ATG10: variants seen among roughly 807,000 people sequenced by gnomAD.
The protein encoded by ATG10 is ubiquitin-like-conjugating enzyme ATG10.
Under a neutral mutation model 32.1 loss-of-function variants are expected in ATG10, and 30 were observed. The ratio of observed to expected loss-of-function variants is 0.94; its 90% CI spans 0.70 to 1.27. The LOEUF (loss-of-function observed/expected upper bound fraction) is 1.27. Ranked by LOEUF, ATG10 falls within the 50% of genes most tolerant of loss-of-function variation. The pLI is 0.00. For missense variants in ATG10, 233 were observed against 262.3 expected (o/e 0.89, Z 0.77); for synonymous variants, 87 against 91.5 (o/e 0.95, Z 0.28).
intron 1 of ATG10, among the ~76,000 whole-genome samples, chr5:81,982,297 C>G (rs1761071292): frequency 6.6e-6 from 1 of 152,142 alleles, no homozygotes; most frequent in Non-Finnish European, 1.5e-5. Flanking sequence ...GAAACCCCAT[C>G]TCTACTAAAA....
rs567880977 is a variant in ATG10 at position 81,982,980 on chromosome 5, C to G, written c.-12-4579C>G. ...TTCTACACAGACACGGCAACCATCC[C>G]ATTTCTCAGTCTTTTCCCCACCTTT... On this transcript the variant is annotated intron_variant, in intron 1 of 7. Transcript: ENST00000282185. 1.2e-3 allele frequency among the ~76,000 whole-genome samples: 177 copies of G among 152,346 alleles called. 2 individuals carry two copies. Among genetic ancestry groups the G allele is most frequent in the Admixed American group, 2.3e-3 (35 of 15,306 alleles).
intron 2 of ATG10, among the ~76,000 whole-genome samples, chr5:82,040,822 T>C (rs1392008753): frequency 6.6e-6 from 1 of 152,190 alleles, no homozygotes; most frequent in African/African-American, 2.4e-5. Flanking sequence ...TATAAACCCC[T>C]TGTCATGGCC....
At chr5:82,139,527 G>A (rs1284639522) in intron 3 of ATG10, among the ~76,000 whole-genome samples, 4 of 144,428 alleles carry the variant, frequency 2.8e-5, no homozygotes, top group Non-Finnish European at 4.6e-5. Context: ...GCCTCTGCCC[G>A]GCCGAGACCC....
chr5:82,139,041 G>A (rs1377800563), intron 3 of ATG10, among the ~76,000 whole-genome samples: 2 of 150,148 alleles, frequency 1.3e-5, no homozygotes, highest in East Asian at 4.0e-4. Context: ...ACGGGGTTTC[G>A]CTGTGTTGGC....
intron 2 of ATG10, chr5:81,992,294 C>T (rs1479777856): frequency 6.6e-6 from 1 of 151,458 alleles, no homozygotes; most frequent in Non-Finnish European, 1.5e-5. Context: ...CTGACCAAGG[C>T]TCCTTTAGAG....
At chr5:82,142,847 G>A (rs897912732) in intron 3 of ATG10, among the ~76,000 whole-genome samples, 18 of 152,282 alleles carry the variant, frequency 1.2e-4, no homozygotes, top group African/African-American at 4.3e-4. Context: ...TAAATATGGA[G>A]TAGAAGGGGA....
chr5:82,229,907 G>A (rs758606364), intron 5 of ATG10, among the ~76,000 whole-genome samples: 9 of 152,288 alleles, frequency 5.9e-5, no homozygotes, highest in Non-Finnish European at 1.3e-4. Flanking sequence ...GGAAACTCAC[G>A]TCATATAATG....
intron 3 of ATG10, among the ~76,000 whole-genome samples, chr5:82,086,966 A>G (rs1224832646): frequency 3.3e-5 from 5 of 152,156 alleles, no homozygotes. Context: ...TAGAGTCTAG[A>G]TCGTATTTTG....
intron 5 of ATG10, among the ~76,000 whole-genome samples, chr5:82,211,897 T>C (rs946320299): frequency 1.3e-5 from 2 of 151,334 alleles, no homozygotes; most frequent in African/African-American, 2.4e-5. Flanking sequence ...CAATAATCAT[T>C]CTCTTTCAAA....
At chr5:82,068,097 T>C (rs1358714675) in intron 3 of ATG10, among the ~76,000 whole-genome samples, 1 of 152,120 alleles carries the variant, frequency 6.6e-6, no homozygotes, top group East Asian at 1.9e-4. Flanking sequence ...ATTTTCCCCA[T>C]TTCTTTTAAT....
At chr5:82,162,867 G>A (rs1208267628) in intron 3 of ATG10, among the ~76,000 whole-genome samples, 2 of 151,906 alleles carry the variant, frequency 1.3e-5, no homozygotes, top group Admixed American at 1.3e-4. Flanking sequence ...GTGTGTCTAT[G>A]TGTGTATATG....
chr5:82,197,738 C>CTATT (rs1744921078), intron 5 of ATG10, among the ~76,000 whole-genome samples: 1 of 147,852 alleles, frequency 6.8e-6, no homozygotes, highest in Admixed American at 6.7e-5. Flanking sequence ...ATCTATCTAT[C>CTATT]TATCTATCTA....
chr5:82,196,424 C>T (rs908948081), intron 5 of ATG10, among the ~76,000 whole-genome samples: 3 of 151,998 alleles, frequency 2.0e-5, no homozygotes, highest in Admixed American at 6.6e-5. Context: ...AGATTTATTT[C>T]GCCTTAGGTA....
intron 2 of ATG10, chr5:82,010,192 C>T (rs1762091834): frequency 1.0e-6 from 1 of 964,004 alleles, no homozygotes; most frequent in Admixed American, 2.3e-5. Flanking sequence ...CAAGTACAGA[C>T]AAAATTCTGA....
chr5:82,215,022 C>A (rs1481258311), intron 5 of ATG10, among the ~76,000 whole-genome samples: 2 of 152,166 alleles, frequency 1.3e-5, no homozygotes, highest in African/African-American at 4.8e-5. Flanking sequence ...AACAAATTAC[C>A]TAAACTTAAA....
chr5:82,055,139 A>G (rs1047597109), intron 2 of ATG10, among the ~76,000 whole-genome samples: 8 of 152,136 alleles, frequency 5.3e-5, no homozygotes, highest in Non-Finnish European at 1.2e-4. Flanking sequence ...AAAACAAAGT[A>G]GAAGAAACAT....
chr5:82,041,901 T>C (rs1305671931), intron 2 of ATG10, among the ~76,000 whole-genome samples: 1 of 152,204 alleles, frequency 6.6e-6, no homozygotes, highest in Non-Finnish European at 1.5e-5. Flanking sequence ...ATATCCAGTA[T>C]ATTTTTCAGT....
At chr5:82,132,670 T>A (rs138362415) in intron 3 of ATG10, among the ~76,000 whole-genome samples, 1 of 152,014 alleles carries the variant, frequency 6.6e-6, no homozygotes, top group Non-Finnish European at 1.5e-5. Flanking sequence ...GGCATTTGGG[T>A]TGGTTCCAAG....
At chr5:82,002,925 C>T (rs182868051) in intron 2 of ATG10, among the ~76,000 whole-genome samples, 264 of 152,148 alleles carry the variant, frequency 1.7e-3, no homozygotes, top group Non-Finnish European at 3.2e-3. Context: ...TCTTGTACCC[C>T]GAACCTAAAA....
Sources: allele counts gnomAD v4.1 joint callset (sites outside exome capture counted in the v4.1 genomes callset), GRCh38; gene constraint gnomAD v4.1.1; transcripts MANE v1.5; gene names NCBI Gene and HGNC (gene_info 2026-07-23, HGNC 2026-07-21).